ZEB1: variants seen among roughly 807,000 people sequenced by gnomAD.
ZEB1 encodes the protein zinc finger E-box binding homeobox 1.
A neutral mutation model predicts 84.9 loss-of-function variants in ZEB1; 21 were observed. The ratio of observed to expected loss-of-function variants is 0.25; its 90% CI spans 0.18 to 0.36. ZEB1 has a LOEUF of 0.36. Among genes scored for constraint, ZEB1 ranks in the 10% least tolerant of loss-of-function variants. The pLI is 1.00. For missense variants in ZEB1, 1,104 were observed against 1,330.2 expected, an observed-to-expected ratio of 0.83 and a Z score of 2.65; for synonymous variants, 420 against 471.1, an observed-to-expected ratio of 0.89 and a Z score of 1.41.
chr10:31,514,733 C>G, intron 6 of ZEB1, 25 bp downstream of exon 6: 1 of 1,526,870 alleles, frequency 6.5e-7, no homozygotes. Context: ...TCTTTCTATA[C>G]CCTGAATATC....
chr10:31,515,232 C>T (rs1215040732), intron 6 of ZEB1, among the ~76,000 whole-genome samples: 1 of 152,046 alleles, frequency 6.6e-6, no homozygotes, highest in Non-Finnish European at 1.5e-5. Flanking sequence ...CTTCACCTGT[C>T]TATTCCATGT....
At chr10:31,456,848 T>G (rs2061299411) in intron 1 of ZEB1, among the ~76,000 whole-genome samples, 1 of 152,124 alleles carries the variant, frequency 6.6e-6, no homozygotes, top group Non-Finnish European at 1.5e-5. Context: ...CTAAGCACAA[T>G]ACATTTAAAA....
At chr10:31,457,728 C>T (rs557365535) in intron 1 of ZEB1, among the ~76,000 whole-genome samples, 1 of 151,916 alleles carries the variant, frequency 6.6e-6, no homozygotes, top group African/African-American at 2.4e-5. Flanking sequence ...TTGACTTGGG[C>T]AGAATAGAAC....
chr10:31,488,186 T>A (rs1316272424), intron 2 of ZEB1, among the ~76,000 whole-genome samples: 2 of 151,292 alleles, frequency 1.3e-5, no homozygotes, highest in African/African-American at 2.4e-5. Context: ...AATTTGCAAG[T>A]GAAAGTTGGT....
At chr10:31,335,776 A>T (rs1364173760) in intron 1 of ZEB1, among the ~76,000 whole-genome samples, 1 of 152,250 alleles carries the variant, frequency 6.6e-6, no homozygotes, top group East Asian at 1.9e-4. Context: ...TAGCTAGTAC[A>T]GTAAACAAAC....
chr10:31,398,685 A>T (rs1564717634), intron 1 of ZEB1, among the ~76,000 whole-genome samples: 1 of 152,152 alleles, frequency 6.6e-6, no homozygotes, highest in Non-Finnish European at 1.5e-5. Flanking sequence ...AATGACTGCC[A>T]TGCTGCCAAT....
chr10:31,476,473 A>T (rs527754520), intron 2 of ZEB1, among the ~76,000 whole-genome samples: 5 of 151,980 alleles, frequency 3.3e-5, no homozygotes, highest in African/African-American at 4.8e-5. Flanking sequence ...GTAAAAAAAA[A>T]CCTTCCAACA....
intron 1 of ZEB1, among the ~76,000 whole-genome samples, chr10:31,444,258 T>C (rs1016843146): frequency 8.3e-5 from 9 of 108,710 alleles, no homozygotes; most frequent in South Asian, 3.6e-4. Flanking sequence ...TTTGATGGGG[T>C]TGTTTGTTTT....
chr10:31,417,889 T>A lies in ZEB1; in HGVS notation c.59-43148T>A, dbSNP rs116156562. Among the ~76,000 whole-genome samples the A allele has an allele frequency of 7.0e-3, 1,065 of 152,176 alleles. 12 individuals are homozygous for A. The highest frequency in any genetic ancestry group is 0.024 in the African/African-American group (976 of 41,528). On this transcript the variant is annotated intron_variant, in intron 1 of 8. Transcript: ENST00000424869. ...GAAAAGACAGTCTATTCTCTCAGCC[T>A]GCTTATAGTCTAGTGGGAAAGATAG...
chr10:31,491,621 G>C (rs2066543622), intron 2 of ZEB1, among the ~76,000 whole-genome samples: 1 of 151,842 alleles, frequency 6.6e-6, no homozygotes, highest in African/African-American at 2.4e-5. Context: ...CTGAATTCTT[G>C]TCATGTCATC....
intron 1 of ZEB1, 86 bp downstream of exon 1, chr10:31,319,378 G>T: frequency 7.2e-7 from 1 of 1,387,588 alleles, no homozygotes. Context: ...GGGCGAGCCG[G>T]GCTGGGGGCA....
chr10:31,372,948 C>G, intron 1 of ZEB1: 2 of 953,872 alleles, frequency 2.1e-6, no homozygotes, highest in Non-Finnish European at 2.5e-6. Flanking sequence ...ACGTTATTTT[C>G]CAGTTTAGAG....
intron 6 of ZEB1, among the ~76,000 whole-genome samples, chr10:31,517,599 C>T (rs1194677919): frequency 6.6e-6 from 1 of 151,902 alleles, no homozygotes; most frequent in Non-Finnish European, 1.5e-5. Context: ...ACCCTAACCT[C>T]CATAGATAAA....
chr10:31,452,740 TGTGAGAGA>T (rs1352452745), intron 1 of ZEB1, among the ~76,000 whole-genome samples: 21 of 97,550 alleles, frequency 2.2e-4, no homozygotes, highest in African/African-American at 1.3e-3. Flanking sequence ...TGTGTGTGTG[TGTGAGAGA>T]GAGAGAGAGA....
At chr10:31,450,325 G>T (rs1240927800) in intron 1 of ZEB1, among the ~76,000 whole-genome samples, 1 of 152,050 alleles carries the variant, frequency 6.6e-6, no homozygotes, top group African/African-American at 2.4e-5. Flanking sequence ...TGTGTTGCTA[G>T]TAATAGAATT....
chr10:31,492,994 C>T (rs2066747552), intron 2 of ZEB1, among the ~76,000 whole-genome samples: 1 of 151,862 alleles, frequency 6.6e-6, no homozygotes, highest in African/African-American at 2.4e-5. Context: ...ACCCTTTACC[C>T]AGTTTCCTCC....
chr10:31,362,109 C>T (rs1226261733), intron 1 of ZEB1, among the ~76,000 whole-genome samples: 13 of 151,058 alleles, frequency 8.6e-5, no homozygotes, highest in Admixed American at 2.0e-4. Flanking sequence ...CTCCTTACTT[C>T]GCAGACAGGA....
At chr10:31,483,579 C>T (rs2065340949) in intron 2 of ZEB1, among the ~76,000 whole-genome samples, 1 of 151,944 alleles carries the variant, frequency 6.6e-6, no homozygotes, top group Admixed American at 6.6e-5. Context: ...TTTTAATTTC[C>T]CATGGCCTCC....
intron 1 of ZEB1, among the ~76,000 whole-genome samples, chr10:31,447,369 A>G (rs1453910516): frequency 1.6e-5 from 2 of 126,778 alleles, no homozygotes; most frequent in African/African-American, 3.1e-5. Context: ...TCTTTATCCA[A>G]TTTGCCAGTC....
Sources: allele counts gnomAD v4.1 joint callset (sites outside exome capture counted in the v4.1 genomes callset), GRCh38; gene constraint gnomAD v4.1.1; transcripts MANE v1.5; gene names NCBI Gene and HGNC (gene_info 2026-07-23, HGNC 2026-07-21).